MET: variants seen among roughly 807,000 people sequenced by gnomAD.
The protein encoded by MET is MET proto-oncogene, receptor tyrosine kinase, also known as hepatocyte growth factor receptor.
In MET, 48 loss-of-function variants were observed where a neutral mutation model predicts 133.1. The observed-to-expected ratio is 0.36, with a 90% confidence interval of 0.29 to 0.46. The LOEUF (loss-of-function observed/expected upper bound fraction) is 0.46, where lower values mean the gene tolerates loss of function less well. MET is among the 20% of genes least tolerant of loss of function. MET has a pLI of 1.00. For missense variants in MET, 1,442 were observed against 1,695.9 expected, an observed-to-expected ratio of 0.85 and a Z score of 2.63; for synonymous variants, 628 against 616.5, an observed-to-expected ratio of 1.02 and a Z score of -0.28.
chr7:116,792,371 G>A (rs1351827833), intron 19 of MET, among the ~76,000 whole-genome samples: 1 of 151,590 alleles, frequency 6.6e-6, no homozygotes, highest in South Asian at 2.1e-4. Context: ...CGCTCTCATG[G>A]CTTGAAACTA....
chr7:116,783,999 A>G (rs957524344), intron 19 of MET, among the ~76,000 whole-genome samples: 1 of 152,236 alleles, frequency 6.6e-6, no homozygotes, highest in Non-Finnish European at 1.5e-5. Flanking sequence ...GGCTGGGAGA[A>G]ATACTCACCT....
chr7:116,754,931 G>GA (rs1447669310), intron 5 of MET, among the ~76,000 whole-genome samples: 1 of 138,226 alleles, frequency 7.2e-6, no homozygotes, highest in Non-Finnish European at 1.6e-5. Flanking sequence ...AAGAAAGAAA[G>GA]AAAGAAAGAA....
intron 2 of MET, among the ~76,000 whole-genome samples, chr7:116,727,504 C>T (rs1012345356): frequency 2.0e-5 from 3 of 152,094 alleles, no homozygotes; most frequent in African/African-American, 7.2e-5. Context: ...TTCCTTTTTC[C>T]TCCCTTTGTT....
intron 17 of MET, among the ~76,000 whole-genome samples, chr7:116,780,371 T>A (rs1483265267): frequency 3.3e-5 from 5 of 151,740 alleles, no homozygotes; most frequent in African/African-American, 1.2e-4. Context: ...TCTAGGAGAG[T>A]AATGAGATAT....
chr7:116,727,195 C>T (rs527663775), intron 2 of MET, among the ~76,000 whole-genome samples: 4 of 152,256 alleles, frequency 2.6e-5, no homozygotes, highest in African/African-American at 9.6e-5. Flanking sequence ...GAGATGATCT[C>T]GAAAGCCCTT....
intron 5 of MET, among the ~76,000 whole-genome samples, chr7:116,754,895 GAA>G (rs1794072936): frequency 1.2e-4 from 4 of 32,692 alleles, no homozygotes; most frequent in Admixed American, 8.2e-4. Flanking sequence ...GAGAAAGAGA[GAA>G]AGAAAGAAAG....
intron 2 of MET, among the ~76,000 whole-genome samples, chr7:116,701,513 A>G (rs990584028): frequency 6.6e-6 from 1 of 152,118 alleles, no homozygotes; most frequent in Non-Finnish European, 1.5e-5. Context: ...TGATGCTAGG[A>G]AAATACTTCC....
chr7:116,748,087 A>T (rs1354651683), intron 5 of MET, among the ~76,000 whole-genome samples: 3 of 152,196 alleles, frequency 2.0e-5, no homozygotes, highest in Admixed American at 2.0e-4. Flanking sequence ...CACTAAAAAT[A>T]CTAAAAATTA....
At chr7:116,767,120 G>T (rs536927268) in intron 11 of MET, among the ~76,000 whole-genome samples, 1 of 152,244 alleles carries the variant, frequency 6.6e-6, no homozygotes, top group South Asian at 2.1e-4. Flanking sequence ...GTACTGACTT[G>T]CCCAGACCCA....
At chr7:116,740,612 A>G (rs1793407286) in intron 4 of MET, among the ~76,000 whole-genome samples, 1 of 152,192 alleles carries the variant, frequency 6.6e-6, no homozygotes, top group African/African-American at 2.4e-5. Context: ...ATTGTGTGGC[A>G]ATGCTATGCT....
In MET at chr7:116,682,978, A is replaced by T. The variant is rs958190197; in HGVS notation, c.-15+10401A>T. 3.9e-5 allele frequency among the ~76,000 whole-genome samples: 6 copies of T among 152,118 alleles called. No homozygotes were observed. The East Asian group carries it at 1.2e-3, about 29-fold the overall frequency. On this transcript the variant is annotated intron_variant, in intron 1 of 20. Transcript: ENST00000397752. Reference sequence around the variant, plus strand: ...AACAGTCTTTTCTACCTAAGTCTTGACCCTGTTGTTCCCCACACCTGTGAG... The same window carrying T: ...AACAGTCTTTTCTACCTAAGTCTTGTCCCTGTTGTTCCCCACACCTGTGAG...
At chr7:116,772,132 A>G in intron 14 of MET, 143 bp downstream of exon 14, 1 of 847,144 alleles carries the variant, frequency 1.2e-6, no homozygotes. Context: ...AGTATTTGAC[A>G]CAAAATTACA....
intron 2 of MET, among the ~76,000 whole-genome samples, chr7:116,722,848 T>A (rs1371729816): frequency 2.0e-5 from 3 of 151,806 alleles, no homozygotes; most frequent in African/African-American, 7.3e-5. Context: ...TGCCAAGAGA[T>A]CCGCTGTTAG....
chr7:116,792,882 C>T (rs1795552853), intron 19 of MET, among the ~76,000 whole-genome samples: 1 of 152,168 alleles, frequency 6.6e-6, no homozygotes, highest in Admixed American at 6.5e-5. Context: ...AAGTACAATC[C>T]ATTATAAGGA....
At chr7:116,673,862 C>T (rs1584842624) in intron 1 of MET, among the ~76,000 whole-genome samples, 1 of 152,268 alleles carries the variant, frequency 6.6e-6, no homozygotes, top group East Asian at 1.9e-4. Flanking sequence ...CATAATGGAA[C>T]ATAAGTGAGG....
intron 1 of MET, among the ~76,000 whole-genome samples, chr7:116,678,696 T>C (rs1278974934): frequency 1.3e-5 from 2 of 152,174 alleles, no homozygotes; most frequent in African/African-American, 2.4e-5. Context: ...GCTTTAAAAA[T>C]AGGTTTTGGC....
chr7:116,709,928 A>G (rs1236072091), intron 2 of MET, among the ~76,000 whole-genome samples: 1 of 152,228 alleles, frequency 6.6e-6, no homozygotes, highest in Non-Finnish European at 1.5e-5. Flanking sequence ...ACTGAATTAA[A>G]TGAATAAAGA....
At chr7:116,698,039 A>G (rs1797029169) in intron 1 of MET, among the ~76,000 whole-genome samples, 1 of 152,178 alleles carries the variant, frequency 6.6e-6, no homozygotes, top group African/African-American at 2.4e-5. Flanking sequence ...GATGCCTAGT[A>G]TGTTTTTAGA....
chr7:116,755,637 T>A (rs1430227714), intron 6 of MET, 122 bp downstream of exon 6: 1 of 1,199,868 alleles, frequency 8.3e-7, no homozygotes, highest in East Asian at 2.5e-5. Context: ...TCTTGGCCTG[T>A]CACATGCCTT....
Sources: allele counts gnomAD v4.1 joint callset (sites outside exome capture counted in the v4.1 genomes callset), GRCh38; gene constraint gnomAD v4.1.1; transcripts MANE v1.5; gene names NCBI Gene and HGNC (gene_info 2026-07-23, HGNC 2026-07-21).